The following METTL15 variants were observed in gnomAD, a reference collection of about 807,000 sequenced individuals.
METTL15 encodes the protein 12S rRNA N(4)-cytidine methyltransferase METTL15.
In METTL15, 34 loss-of-function variants were observed where a neutral mutation model predicts 38.3. That is an observed-to-expected ratio of 0.89 (90% CI 0.68 to 1.18). The LOEUF (loss-of-function observed/expected upper bound fraction) is 1.18, where lower values mean the gene tolerates loss of function less well. METTL15 is among the 50% of genes most tolerant of loss of function. The pLI is 0.00. For missense variants in METTL15, 438 were observed against 498.4 expected (o/e 0.88, Z 1.15); for synonymous variants, 162 against 170.9 (o/e 0.95, Z 0.41).
intron 3 of METTL15, among the ~76,000 whole-genome samples, chr11:28,128,876 G>A (rs931554551): frequency 3.9e-5 from 6 of 152,134 alleles, no homozygotes; most frequent in Non-Finnish European, 7.4e-5. Flanking sequence ...TGGTGTTTTA[G>A]GAGAGTACAA....
chr11:28,443,878 A>G (rs1445315380), intron 6 of METTL15, among the ~76,000 whole-genome samples: 1 of 152,140 alleles, frequency 6.6e-6, no homozygotes, highest in African/African-American at 2.4e-5. Context: ...TTGATCTGCC[A>G]CCCTGTAATT....
chr11:28,400,147 G>T (rs1018765620), intron 5 of METTL15, among the ~76,000 whole-genome samples: 3 of 151,756 alleles, frequency 2.0e-5, no homozygotes, highest in Non-Finnish European at 2.9e-5. Context: ...TCATAGATTT[G>T]GCCTTTTGTT....
downstream of METTL15, among the ~76,000 whole-genome samples, chr11:28,337,093 T>C (rs1433256506): frequency 6.6e-6 from 1 of 152,134 alleles, no homozygotes; most frequent in Non-Finnish European, 1.5e-5. Context: ...AATTTAAAAA[T>C]TAATACAAAA....
At chr11:28,340,556 C>A (rs909783929) in intron 3 of METTL15, among the ~76,000 whole-genome samples, 1 of 152,104 alleles carries the variant, frequency 6.6e-6, no homozygotes, top group Non-Finnish European at 1.5e-5. Context: ...ATGTGGCCAA[C>A]AAACATACGA....
intron 3 of METTL15, among the ~76,000 whole-genome samples, chr11:28,140,924 G>C (rs1027068419): frequency 1.3e-5 from 2 of 152,162 alleles, no homozygotes; most frequent in African/African-American, 4.8e-5. Flanking sequence ...AAACAAAGGT[G>C]GGAGGTTCTC....
chr11:28,370,832 G>C (rs1028545699), intron 5 of METTL15, among the ~76,000 whole-genome samples: 2 of 151,796 alleles, frequency 1.3e-5, no homozygotes, highest in African/African-American at 4.8e-5. Context: ...TATACCTGTT[G>C]GTCATTGATA....
intron 4 of METTL15, chr11:28,287,247 T>C (rs1246601861): frequency 4.8e-6 from 1 of 206,284 alleles, no homozygotes; most frequent in Non-Finnish European, 9.9e-6. Context: ...AGAAAAAGAA[T>C]TGCAGCATTT....
At chr11:28,355,717 T>C (rs936282985) in intron 4 of METTL15, among the ~76,000 whole-genome samples, 2 of 152,130 alleles carry the variant, frequency 1.3e-5, no homozygotes, top group Non-Finnish European at 2.9e-5. Context: ...TTATTTAATA[T>C]AAGGGACTTT....
At chr11:28,328,011 T>C (rs1263779364) in intron 6 of METTL15, 2 of 1,361,278 alleles carry the variant, frequency 1.5e-6, no homozygotes, top group Non-Finnish European at 2.0e-6. Flanking sequence ...AGCAAAAATA[T>C]CCTGCAGTTC....
chr11:28,317,455 G>A (rs763415062), intron 6 of METTL15, among the ~76,000 whole-genome samples: 1 of 151,816 alleles, frequency 6.6e-6, no homozygotes, highest in Non-Finnish European at 1.5e-5. Context: ...GCAAACAGGT[G>A]CAAGAGCTGA....
chr11:28,201,240 C>T (rs966953782), intron 3 of METTL15, among the ~76,000 whole-genome samples: 43 of 152,214 alleles, frequency 2.8e-4, no homozygotes, highest in African/African-American at 9.9e-4. Context: ...AGGGATGAAG[C>T]CAACTTGATC....
intron 6 of METTL15, among the ~76,000 whole-genome samples, chr11:28,503,410 A>G (rs1410196035): frequency 6.6e-6 from 1 of 152,232 alleles, no homozygotes; most frequent in Admixed American, 6.5e-5. Flanking sequence ...ACCGTATAAG[A>G]TAGACACTAT....
At chr11:28,483,405 G>A (rs1450842927) in intron 6 of METTL15, among the ~76,000 whole-genome samples, 2 of 152,162 alleles carry the variant, frequency 1.3e-5, no homozygotes, top group Non-Finnish European at 2.9e-5. Flanking sequence ...CAATAACTTT[G>A]GAGGCTTAAA....
intron 4 of METTL15, among the ~76,000 whole-genome samples, chr11:28,212,595 C>T (rs1399890613): frequency 6.6e-6 from 1 of 152,124 alleles, no homozygotes; most frequent in African/African-American, 2.4e-5. Flanking sequence ...CTACACACAT[C>T]CTCCCATATA....
chr11:28,254,672 A>G (rs1476112948), intron 4 of METTL15, among the ~76,000 whole-genome samples: 1 of 152,150 alleles, frequency 6.6e-6, no homozygotes, highest in African/African-American at 2.4e-5. Flanking sequence ...ATGGCAAGAG[A>G]TAGGGGTCTT....
At chr11:28,139,596 G>T (rs868602129) in intron 3 of METTL15, among the ~76,000 whole-genome samples, 22 of 152,116 alleles carry the variant, frequency 1.4e-4, no homozygotes, top group South Asian at 2.1e-4. Flanking sequence ...TGCCATGGAT[G>T]CTAGCATGAC....
At chr11:28,134,385 C>T (rs149360305) in intron 3 of METTL15, among the ~76,000 whole-genome samples, 2,181 of 152,234 alleles carry the variant, frequency 0.014, 33 homozygotes, top group Non-Finnish European at 0.021. Context: ...CCCATTCCCC[C>T]GTGCGTATGT....
intron 5 of METTL15, among the ~76,000 whole-genome samples, chr11:28,418,868 G>A (rs552698837): frequency 2.6e-5 from 4 of 152,200 alleles, no homozygotes; most frequent in African/African-American, 7.2e-5. Flanking sequence ...AGAACATTTC[G>A]ACCAGCCCTA....
chr11:28,342,439 T>G (rs2133355387), intron 3 of METTL15, among the ~76,000 whole-genome samples: 1 of 151,858 alleles, frequency 6.6e-6, no homozygotes, highest in Non-Finnish European at 1.5e-5. Context: ...ATTTTTTTTT[T>G]TTTTGTAGGG....
Sources: gnomAD v4.1 joint callset for allele counts (sites outside exome capture counted in the v4.1 genomes callset) on GRCh38, gnomAD v4.1.1 for gene constraint, MANE v1.5 for transcripts, NCBI Gene and HGNC (gene_info 2026-07-23, HGNC 2026-07-21) for gene names.